IFT88: variants seen among roughly 807,000 people sequenced by gnomAD.
IFT88 encodes the protein intraflagellar transport 88, also known as intraflagellar transport protein 88 homolog.
In IFT88, 74 loss-of-function variants were observed where a neutral mutation model predicts 119.5. That is an observed-to-expected ratio of 0.62 (90% CI 0.51 to 0.75). The LOEUF is 0.75. Among genes scored for constraint, IFT88 ranks in the 30% least tolerant of loss-of-function variants. IFT88 has a pLI of 0.00. For synonymous variants in IFT88, 279 were observed against 316.7 expected, an observed-to-expected ratio of 0.88 and a Z score of 1.26; for missense variants, 961 against 977.7, an observed-to-expected ratio of 0.98 and a Z score of 0.23.
At position 20,670,914 on chromosome 13, in the gene IFT88, A is replaced by G; in HGVS notation, c.2176-59A>G. The G allele has an allele frequency of 4.2e-6, 6 of 1,429,950 alleles. No individual in the cohort carries two copies. The East Asian group carries it at 6.9e-5, about 16-fold the overall frequency. 88.6% of individuals were successfully genotyped at this position (1,429,950 alleles called of 1,614,324 possible). A position where few individuals can be genotyped will look rare whatever the true frequency, so the allele number is the denominator to read the frequency against. ...TTAATTTTAAAATCCACCTTTATCT[A>G]TATTCAACTTTGAAGGAATAGCACT... On this transcript the variant is annotated intron_variant, in intron 23 of 25. Transcript: ENST00000351808.
At chr13:20,668,373 T>C (rs1159071012) in intron 23 of IFT88, among the ~76,000 whole-genome samples, 2 of 152,236 alleles carry the variant, frequency 1.3e-5, no homozygotes, top group African/African-American at 4.8e-5. Context: ...TCTTTTTTTT[T>C]TTCTTACATA....
intron 1 of IFT88, among the ~76,000 whole-genome samples, chr13:20,569,098 A>G (rs1470395396): frequency 6.6e-6 from 1 of 152,134 alleles, no homozygotes; most frequent in Non-Finnish European, 1.5e-5. Flanking sequence ...GTTAATTTTC[A>G]TCTTCAAAAA....
At chr13:20,670,250 C>T (rs142797223) in intron 23 of IFT88, among the ~76,000 whole-genome samples, 18 of 152,270 alleles carry the variant, frequency 1.2e-4, no homozygotes, top group Non-Finnish European at 1.8e-4. Flanking sequence ...CACTAATCAT[C>T]CTGTAGCTGT....
At chr13:20,569,573 A>C (rs1418097330) in intron 1 of IFT88, among the ~76,000 whole-genome samples, 1 of 113,716 alleles carries the variant, frequency 8.8e-6, no homozygotes, top group African/African-American at 2.9e-5. Context: ...ACTCCGTCCC[A>C]AAAAAAAAAA....
chr13:20,588,781 G>T (rs1333380096), intron 3 of IFT88, among the ~76,000 whole-genome samples: 1 of 152,176 alleles, frequency 6.6e-6, no homozygotes, highest in African/African-American at 2.4e-5. Flanking sequence ...GCAGCAGTAG[G>T]AATCCATGGT....
At chr13:20,569,362 A>G (rs2035729113) in intron 1 of IFT88, among the ~76,000 whole-genome samples, 1 of 151,784 alleles carries the variant, frequency 6.6e-6, no homozygotes, top group African/African-American at 2.4e-5. Flanking sequence ...TCACGAGGTC[A>G]GGAGATCGAG....
At chr13:20,570,621 T>C (rs1189638111) in intron 1 of IFT88, among the ~76,000 whole-genome samples, 1 of 152,220 alleles carries the variant, frequency 6.6e-6, no homozygotes, top group Non-Finnish European at 1.5e-5. Context: ...AGGCTACATA[T>C]TGTGTAATTT....
At chr13:20,608,823 G>A (rs1478362372) in intron 13 of IFT88, among the ~76,000 whole-genome samples, 1 of 152,212 alleles carries the variant, frequency 6.6e-6, no homozygotes, top group Non-Finnish European at 1.5e-5. Context: ...CTTGCAGCCT[G>A]GTGCTCTGCC....
chr13:20,601,081 A>G (rs2042517985), intron 11 of IFT88, among the ~76,000 whole-genome samples: 1 of 152,132 alleles, frequency 6.6e-6, no homozygotes, highest in African/African-American at 2.4e-5. Flanking sequence ...AAATAGACTA[A>G]TGGGCCGGGC....
At chr13:20,601,001 A>T (rs2042500557) in intron 11 of IFT88, among the ~76,000 whole-genome samples, 1 of 152,272 alleles carries the variant, frequency 6.6e-6, no homozygotes, top group Non-Finnish European at 1.5e-5. Context: ...AAGTGAAAGA[A>T]GCAAGACAAA....
intron 5 of IFT88, among the ~76,000 whole-genome samples, chr13:20,591,333 C>A (rs2040632977): frequency 6.6e-6 from 1 of 152,092 alleles, no homozygotes; most frequent in Non-Finnish European, 1.5e-5. Flanking sequence ...TCTGTGGTTT[C>A]TCTCATAGGC....
chr13:20,571,196 A>G (rs1273124421), intron 1 of IFT88, among the ~76,000 whole-genome samples: 1 of 152,032 alleles, frequency 6.6e-6, no homozygotes, highest in Non-Finnish European at 1.5e-5. Flanking sequence ...GGGTTTCACC[A>G]TATTAGCCAG....
At chr13:20,579,745 G>A (rs2038170749) in intron 2 of IFT88, among the ~76,000 whole-genome samples, 1 of 152,192 alleles carries the variant, frequency 6.6e-6, no homozygotes, top group Non-Finnish European at 1.5e-5. Context: ...CACCACAGCT[G>A]TGAATGTGCT....
chr13:20,617,043 T>G (rs2045741237), intron 14 of IFT88, among the ~76,000 whole-genome samples: 1 of 151,926 alleles, frequency 6.6e-6, no homozygotes, highest in Admixed American at 6.6e-5. Context: ...TCCTGGGTTC[T>G]CGCCATTCTC....
At chr13:20,591,809 T>C in intron 6 of IFT88, 128 bp downstream of exon 6, 1 of 613,444 alleles carries the variant, frequency 1.6e-6, no homozygotes, top group South Asian at 2.2e-5. Flanking sequence ...TGCACTGATA[T>C]TTTAGGTACC....
intron 9 of IFT88, among the ~76,000 whole-genome samples, chr13:20,597,559 A>T (rs543335966): frequency 6.6e-6 from 1 of 152,090 alleles, no homozygotes; most frequent in Non-Finnish European, 1.5e-5. Context: ...CCTGGCTAAC[A>T]TGGTGAAACC....
chr13:20,592,225 C>A, intron 6 of IFT88, 110 bp from the exon 7 acceptor site: 1 of 751,042 alleles, frequency 1.3e-6, no homozygotes, highest in Admixed American at 2.8e-5. Flanking sequence ...TAATTGAAAC[C>A]ATTTAATAAA....
In IFT88 at chr13:20,683,827, G is replaced by C. The variant is rs180949600; in HGVS notation, c.2243-6878G>C. Among the ~76,000 whole-genome samples, 11 of 152,328 alleles carry C rather than the reference G, an allele frequency of 7.2e-5. No individual in the cohort carries two copies. In the East Asian group the frequency reaches 2.1e-3, roughly 29 times the overall value. On this transcript the variant is annotated intron_variant, in intron 24 of 25. Transcript: ENST00000351808. ...TTTTCCCATTCCCACATACAGCACA[G>C]TCAGGAGCTGTGCTATACGCTCTCC...
chr13:20,675,481 T>TAA (rs903709670), intron 24 of IFT88, among the ~76,000 whole-genome samples: 2 of 152,204 alleles, frequency 1.3e-5, no homozygotes, highest in African/African-American at 4.8e-5. Context: ...GTCTCAGTGT[T>TAA]ACAGTTCCAG....
Sources: gnomAD v4.1 joint callset for allele counts (sites outside exome capture counted in the v4.1 genomes callset) on GRCh38, gnomAD v4.1.1 for gene constraint, MANE v1.5 for transcripts, NCBI Gene and HGNC (gene_info 2026-07-23, HGNC 2026-07-21) for gene names.